CSNK2A2IP: variants seen among roughly 807,000 people sequenced by gnomAD.
CSNK2A2IP encodes the protein casein kinase II subunit alpha'-interacting protein.
the CSNK2A2IP span, among the ~76,000 whole-genome samples, chr3:88,409,337 T>G: frequency 6.6e-6 from 1 of 152,024 alleles, no homozygotes; most frequent in Non-Finnish European, 1.5e-5. Flanking sequence ...TCACATTTTC[T>G]GAGAAAATGG....
chr3:88,434,539 A>G, the CSNK2A2IP span, among the ~76,000 whole-genome samples: 2 of 152,026 alleles, frequency 1.3e-5, no homozygotes, highest in Admixed American at 1.3e-4. Context: ...CCAAAAACAA[A>G]CAACCCTAAA....
chr3:88,455,958 G>C, the CSNK2A2IP span, among the ~76,000 whole-genome samples: 1 of 151,498 alleles, frequency 6.6e-6, no homozygotes, highest in Non-Finnish European at 1.5e-5. Flanking sequence ...ATTTATTTAA[G>C]AGTCCATTAT....
chr3:88,456,676 T>C, the CSNK2A2IP span, among the ~76,000 whole-genome samples: 1 of 151,330 alleles, frequency 6.6e-6, no homozygotes, highest in African/African-American at 2.4e-5. Context: ...TTTTTTCAGA[T>C]GTGCATCCAA....
the CSNK2A2IP span, among the ~76,000 whole-genome samples, chr3:88,360,464 C>T: frequency 2.6e-5 from 4 of 152,106 alleles, no homozygotes; most frequent in East Asian, 7.8e-4. Context: ...CATTTTATCT[C>T]ATGTAAGTAT....
chr3:88,410,777 A>G, the CSNK2A2IP span, among the ~76,000 whole-genome samples: 3 of 152,034 alleles, frequency 2.0e-5, no homozygotes, highest in Admixed American at 6.6e-5. Context: ...AGTTCTTATC[A>G]CAGTGGTGGT....
the CSNK2A2IP span, among the ~76,000 whole-genome samples, chr3:88,377,022 A>G: frequency 6.6e-6 from 1 of 151,826 alleles, no homozygotes; most frequent in Admixed American, 6.6e-5. Flanking sequence ...ACCTACAAAA[A>G]GAAGGCGTTC....
the CSNK2A2IP span, among the ~76,000 whole-genome samples, chr3:88,409,956 A>G: frequency 2.0e-5 from 3 of 152,006 alleles, no homozygotes; most frequent in South Asian, 2.1e-4. Flanking sequence ...ATTTTTAACT[A>G]CTCTAAGGCC....
the CSNK2A2IP span, among the ~76,000 whole-genome samples, chr3:88,356,019 T>C: frequency 6.6e-6 from 1 of 152,194 alleles, no homozygotes; most frequent in South Asian, 2.1e-4. Flanking sequence ...GATGCAAGTG[T>C]ACAATGTATA....
At chr3:88,363,570 C>T in the CSNK2A2IP span, among the ~76,000 whole-genome samples, 1 of 152,082 alleles carries the variant, frequency 6.6e-6, no homozygotes. Context: ...GCTTGGTAAT[C>T]GTTGATTTGC....
the CSNK2A2IP span, among the ~76,000 whole-genome samples, chr3:88,408,457 G>A: frequency 6.6e-6 from 1 of 152,034 alleles, no homozygotes; most frequent in Non-Finnish European, 1.5e-5. Context: ...AAAAAGGAGA[G>A]TAGAGATGTT....
At chr3:88,422,139 T>C in the CSNK2A2IP span, among the ~76,000 whole-genome samples, 1 of 152,216 alleles carries the variant, frequency 6.6e-6, no homozygotes, top group African/African-American at 2.4e-5. Flanking sequence ...TTAGACTTTT[T>C]TTTGTAAGTA....
At chr3:88,419,266 C>G in the CSNK2A2IP span, among the ~76,000 whole-genome samples, 5 of 152,146 alleles carry the variant, frequency 3.3e-5, no homozygotes, top group Admixed American at 6.5e-5. Context: ...TTCTACAAAA[C>G]TTGTCCCTGG....
the CSNK2A2IP span, among the ~76,000 whole-genome samples, chr3:88,371,862 T>C: frequency 6.6e-6 from 1 of 151,704 alleles, no homozygotes; most frequent in Non-Finnish European, 1.5e-5. Flanking sequence ...GCTGACTTCT[T>C]ATCAGAAATA....
the CSNK2A2IP span, among the ~76,000 whole-genome samples, chr3:88,377,979 A>T: frequency 2.6e-5 from 4 of 151,850 alleles, no homozygotes; most frequent in African/African-American, 9.7e-5. Flanking sequence ...ATGATTTTTC[A>T]TTTTTCACAT....
At chr3:88,376,520 C>T in the CSNK2A2IP span, among the ~76,000 whole-genome samples, 5 of 151,848 alleles carry the variant, frequency 3.3e-5, no homozygotes, top group South Asian at 6.2e-4. Context: ...GAGTTCTTCT[C>T]GTATTTCCTC....
the CSNK2A2IP span, among the ~76,000 whole-genome samples, chr3:88,401,780 C>T: frequency 6.6e-6 from 1 of 151,594 alleles, no homozygotes; most frequent in Non-Finnish European, 1.5e-5. Flanking sequence ...TTTAAATGGG[C>T]TTTTCTTAAG....
chr3:88,401,735 A>T, the CSNK2A2IP span, among the ~76,000 whole-genome samples: 1 of 152,082 alleles, frequency 6.6e-6, no homozygotes, highest in South Asian at 2.1e-4. Context: ...CCATGTCTTA[A>T]GTAGCTAACT....
At chr3:88,384,193 C>T in the CSNK2A2IP span, among the ~76,000 whole-genome samples, 38 of 151,844 alleles carry the variant, frequency 2.5e-4, no homozygotes, top group South Asian at 4.2e-4. Flanking sequence ...ACAGCAAACC[C>T]GGAAACAAAT....
the CSNK2A2IP span, among the ~76,000 whole-genome samples, chr3:88,438,298 A>T: frequency 5.9e-5 from 9 of 152,150 alleles, 1 homozygote; most frequent in African/African-American, 2.2e-4. Flanking sequence ...TATGCTGAGA[A>T]CTTTGAACTG....
Sources: gnomAD v4.1 joint callset for allele counts (sites outside exome capture counted in the v4.1 genomes callset) on GRCh38, gnomAD v4.1.1 for gene constraint, MANE v1.5 for transcripts, NCBI Gene and HGNC (gene_info 2026-07-23, HGNC 2026-07-21) for gene names.